ITPR1: variants seen among roughly 807,000 people sequenced by gnomAD.
ITPR1 encodes the protein inositol 1,4,5-trisphosphate-gated calcium channel ITPR1.
Under a neutral mutation model 318.4 loss-of-function variants are expected in ITPR1, and 96 were observed. The observed-to-expected ratio is 0.30, with a 90% confidence interval of 0.26 to 0.36. The LOEUF (loss-of-function observed/expected upper bound fraction) is 0.36. Among genes scored for constraint, ITPR1 ranks in the 10% least tolerant of loss-of-function variants. The pLI is 1.00. For missense variants in ITPR1, 2,440 were observed against 3,460.2 expected (o/e 0.71, Z 7.40); for synonymous variants, 1,312 against 1,289.9 (o/e 1.02, Z -0.37).
intron 39 of ITPR1, among the ~76,000 whole-genome samples, chr3:4,714,362 C>T (rs2125287614): frequency 6.6e-6 from 1 of 152,310 alleles, no homozygotes; most frequent in East Asian, 1.9e-4. Flanking sequence ...TGAGTGGCCT[C>T]TTATGGAGCT....
At chr3:4,504,841 A>G (rs2081286853) in intron 2 of ITPR1, among the ~76,000 whole-genome samples, 1 of 152,106 alleles carries the variant, frequency 6.6e-6, no homozygotes, top group Admixed American at 6.5e-5. Context: ...CCATATTACC[A>G]TATATGTACC....
intron 44 of ITPR1, among the ~76,000 whole-genome samples, chr3:4,741,437 C>T (rs528553304): frequency 8.5e-5 from 13 of 152,114 alleles, no homozygotes; most frequent in Non-Finnish European, 1.5e-4. Context: ...CTTTTCTGCA[C>T]GTAAGCAGCT....
chr3:4,505,066 T>C (rs2081304871), intron 2 of ITPR1, among the ~76,000 whole-genome samples: 1 of 152,160 alleles, frequency 6.6e-6, no homozygotes, highest in Non-Finnish European at 1.5e-5. Context: ...AAACGGTGCC[T>C]TTTTGTCTTC....
chr3:4,526,628 C>T (rs909311701), intron 4 of ITPR1, among the ~76,000 whole-genome samples: 5 of 152,210 alleles, frequency 3.3e-5, no homozygotes, highest in Admixed American at 6.5e-5. Flanking sequence ...AAAGCACTTC[C>T]TTTGAATTAT....
intron 2 of ITPR1, among the ~76,000 whole-genome samples, chr3:4,500,680 T>A (rs945570777): frequency 2.6e-5 from 4 of 152,176 alleles, no homozygotes; most frequent in African/African-American, 9.7e-5. Flanking sequence ...CTGAATATAA[T>A]CTAAACTTTT....
chr3:4,828,887 A>T (rs1010254495), intron 60 of ITPR1, among the ~76,000 whole-genome samples: 2 of 152,154 alleles, frequency 1.3e-5, no homozygotes, highest in Admixed American at 6.5e-5. Flanking sequence ...TGCCGTTTGG[A>T]TACCCTTCAT....
intron 59 of ITPR1, chr3:4,816,286 T>C (rs2049297104): frequency 6.6e-6 from 1 of 152,204 alleles, no homozygotes; most frequent in African/African-American, 2.4e-5. Context: ...AGAATGTAGG[T>C]CAATTATTTT....
Position 4,652,203 on chromosome 3 carries a change from T to C in ITPR1, c.936T>C (p.His312=). ...GTTTCAAGCATCTGGCCACGGGGCA[T>C]TACTTGGCAGCAGAGGTAAGTAGCA... ...LFRFKHLATG[H]YLAAEVDPDF... is the part of the protein sequence containing the mutation. Residue 312 remains histidine (H), a synonymous_variant, in exon 11 of 62, where the codon CAT becomes CAC. Coordinates refer to ENST00000649015, the MANE Select transcript of ITPR1 (RefSeq NM_001378452.1). 2 of 1,611,750 alleles carry C rather than the reference T, an allele frequency of 1.2e-6. No individual in the cohort carries two copies. The highest frequency in any genetic ancestry group is 1.7e-6 in the Non-Finnish European group (2 of 1,178,946).
Position 4,808,857 on chromosome 3 carries a change from G to GC in ITPR1, c.7273-2401dup, listed in dbSNP as rs140594298. On this transcript the variant is annotated intron_variant, in intron 55 of 61. Coordinates refer to ENST00000649015, the MANE Select transcript of ITPR1 (RefSeq NM_001378452.1). ...GATCTGGTGGCCTAATTAAACTGCT[G>GC]CCCCCCCTCCCCCACAAAGACTGGC... Among the ~76,000 whole-genome samples, 1,265 of 152,060 alleles carry GC rather than the reference G, an allele frequency of 8.3e-3. 21 individuals carry two copies. Among genetic ancestry groups the GC allele is most frequent in the African/African-American group, 0.028 (1,153 of 41,460 alleles).
rs2094509019 is a variant in ITPR1, at chr3:4,693,373, A to G, written c.4030-117A>G. 4.4e-6 allele frequency: 5 copies of G among 1,130,496 alleles called. No homozygotes were observed. In the South Asian group the frequency reaches 7.4e-5, roughly 17 times the overall value. The allele number at this position is 1,130,496 out of a possible 1,614,324, so 70.0% of individuals were successfully genotyped here. ...AATGAATGAAGTCAAAATAGGTAAG[A>G]CTGATTTGGGAAGATAAATGCTAAC... is the stretch of plus-strand genomic sequence containing the variant. On this transcript the variant is annotated intron_variant, in intron 32 of 61. Transcript: ENST00000649015.
At chr3:4,703,017 A>G in intron 36 of ITPR1, 67 bp downstream of exon 36, 1 of 1,546,148 alleles carries the variant, frequency 6.5e-7, no homozygotes, top group Non-Finnish European at 8.9e-7. Context: ...TAAGGCTGCC[A>G]TTTATTGAGC....
At chr3:4,673,709 A>G (rs2094132246) in intron 21 of ITPR1, among the ~76,000 whole-genome samples, 1 of 152,046 alleles carries the variant, frequency 6.6e-6, no homozygotes, top group Admixed American at 6.6e-5. Flanking sequence ...CAGCCTCCCA[A>G]GTAGCTGGGA....
chr3:4,588,857 C>G (rs963061742), intron 4 of ITPR1, among the ~76,000 whole-genome samples: 2 of 152,156 alleles, frequency 1.3e-5, no homozygotes, highest in South Asian at 4.1e-4. Flanking sequence ...ATTTCTCTCC[C>G]TCCCTCACAC....
chr3:4,592,283 A>G (rs182587096), intron 4 of ITPR1, among the ~76,000 whole-genome samples: 8 of 152,300 alleles, frequency 5.3e-5, no homozygotes, highest in East Asian at 1.9e-4. Flanking sequence ...TTTTGTGTTT[A>G]ATAGCATTTG....
At chr3:4,656,734 C>T (rs1265210674) in intron 12 of ITPR1, among the ~76,000 whole-genome samples, 3 of 152,148 alleles carry the variant, frequency 2.0e-5, no homozygotes, top group Non-Finnish European at 4.4e-5. Flanking sequence ...TTTTGTTTTC[C>T]TGGTGAAGTC....
intron 4 of ITPR1, among the ~76,000 whole-genome samples, chr3:4,623,154 C>T (rs1016301312): frequency 6.6e-6 from 1 of 152,202 alleles, no homozygotes; most frequent in African/African-American, 2.4e-5. Context: ...TAAGTGTGCA[C>T]CACAAGTCCT....
chr3:4,531,556 G>A (rs2083415400), intron 4 of ITPR1, among the ~76,000 whole-genome samples: 1 of 152,114 alleles, frequency 6.6e-6, no homozygotes, highest in Admixed American at 6.5e-5. Flanking sequence ...CACACTCTCA[G>A]GGTTCCCAGC....
At chr3:4,813,011 G>T (rs1055609135) in intron 56 of ITPR1, 131 bp from the exon 57 acceptor site, 1 of 720,364 alleles carries the variant, frequency 1.4e-6, no homozygotes, top group Non-Finnish European at 2.4e-6. Context: ...TTTCTGCTTT[G>T]AATTTATATG....
intron 51 of ITPR1, among the ~76,000 whole-genome samples, chr3:4,784,225 G>A (rs1312596139): frequency 2.0e-5 from 3 of 152,074 alleles, no homozygotes; most frequent in Non-Finnish European, 4.4e-5. Flanking sequence ...GGTCACAGAG[G>A]CCTAGTCTGA....
Sources: gnomAD v4.1 joint callset for allele counts (sites outside exome capture counted in the v4.1 genomes callset) on GRCh38, gnomAD v4.1.1 for gene constraint, MANE v1.5 for transcripts, NCBI Gene and HGNC (gene_info 2026-07-23, HGNC 2026-07-21) for gene names.